CPQ: variants seen among roughly 807,000 people sequenced by gnomAD.
CPQ encodes carboxypeptidase Q.
Under a neutral mutation model 45.7 loss-of-function variants are expected in CPQ, and 37 were observed. That is an observed-to-expected ratio of 0.81 (90% CI 0.62 to 1.07). The LOEUF (loss-of-function observed/expected upper bound fraction) is 1.07, where lower values mean the gene tolerates loss of function less well. CPQ is among the 50% of genes least tolerant of loss of function. CPQ has a pLI of 0.00. For synonymous variants in CPQ, 186 were observed against 205.8 expected, an observed-to-expected ratio of 0.90 and a Z score of 0.82; for missense variants, 537 against 572.9, an observed-to-expected ratio of 0.94 and a Z score of 0.64.
At chr8:96,784,179 GTTATTA>G (rs919409400) in intron 1 of CPQ, among the ~76,000 whole-genome samples, 2 of 152,000 alleles carry the variant, frequency 1.3e-5, no homozygotes, top group Non-Finnish European at 2.9e-5. Flanking sequence ...TCCTGTTATT[GTTATTA>G]TTATTTATTA....
At chr8:96,970,720 C>A (rs531254609) in intron 5 of CPQ, among the ~76,000 whole-genome samples, 1 of 152,102 alleles carries the variant, frequency 6.6e-6, no homozygotes, top group South Asian at 2.1e-4. Flanking sequence ...CCCGCTACCA[C>A]GCCCGGCTAA....
chr8:96,734,224 C>T (rs1809948750), intron 1 of CPQ, among the ~76,000 whole-genome samples: 2 of 152,190 alleles, frequency 1.3e-5, no homozygotes. Context: ...AGTTCCACCT[C>T]CAGAGTACAT....
chr8:96,871,531 G>GTT (rs529360931), intron 3 of CPQ, among the ~76,000 whole-genome samples: 147 of 106,982 alleles, frequency 1.4e-3, no homozygotes, highest in African/African-American at 3.3e-3. Context: ...TTGCTTCCAG[G>GTT]TTTTTTTTTT....
chr8:96,796,886 T>C (rs1485424100), intron 2 of CPQ, among the ~76,000 whole-genome samples: 6 of 152,202 alleles, frequency 3.9e-5, no homozygotes, highest in African/African-American at 7.2e-5. Flanking sequence ...GTTGACTGGA[T>C]AGTTAATGTT....
intron 4 of CPQ, among the ~76,000 whole-genome samples, chr8:96,918,007 G>C (rs1022668881): frequency 6.6e-6 from 1 of 152,094 alleles, no homozygotes; most frequent in African/African-American, 2.4e-5. Flanking sequence ...TACTCTTAGT[G>C]TACCTTATTC....
intron 1 of CPQ, among the ~76,000 whole-genome samples, chr8:96,648,105 A>G (rs563729473): frequency 1.8e-4 from 27 of 152,334 alleles, no homozygotes; most frequent in Admixed American, 1.8e-3. Flanking sequence ...CAAAAGACGA[A>G]AAGAGAGGCC....
At chr8:96,940,997 A>G (rs1813117796) in intron 4 of CPQ, among the ~76,000 whole-genome samples, 1 of 152,088 alleles carries the variant, frequency 6.6e-6, no homozygotes, top group African/African-American at 2.4e-5. Flanking sequence ...ATGCTTTTTC[A>G]CCCTCCCATA....
At chr8:96,859,537 G>C (rs577222135) in intron 3 of CPQ, among the ~76,000 whole-genome samples, 5 of 152,286 alleles carry the variant, frequency 3.3e-5, no homozygotes, top group South Asian at 2.1e-4. Context: ...AAGTGTCCCT[G>C]AAGTTGGCTG....
At chr8:96,720,270 C>CT (rs201158304) in intron 1 of CPQ, among the ~76,000 whole-genome samples, 3 of 151,060 alleles carry the variant, frequency 2.0e-5, no homozygotes, top group South Asian at 2.1e-4. Context: ...CTATTGATTA[C>CT]TTTTTTAAAA....
At chr8:96,992,066 T>C (rs1167442344) in intron 5 of CPQ, among the ~76,000 whole-genome samples, 1 of 152,220 alleles carries the variant, frequency 6.6e-6, no homozygotes, top group African/African-American at 2.4e-5. Flanking sequence ...TTGATGGGTG[T>C]GTGGCAGCAA....
At chr8:96,922,268 A>C (rs537554235) in intron 4 of CPQ, among the ~76,000 whole-genome samples, 4 of 152,226 alleles carry the variant, frequency 2.6e-5, no homozygotes, top group Admixed American at 2.6e-4. Flanking sequence ...ATTCCTCCCA[A>C]CCATGCTCAA....
intron 5 of CPQ, among the ~76,000 whole-genome samples, chr8:96,971,225 A>T (rs1317380434): frequency 6.6e-6 from 1 of 152,164 alleles, no homozygotes; most frequent in African/African-American, 2.4e-5. Context: ...GGAGCCTGAG[A>T]TTGCCAGAAT....
At chr8:97,089,939 G>C (rs1268865018) in intron 7 of CPQ, among the ~76,000 whole-genome samples, 1 of 152,126 alleles carries the variant, frequency 6.6e-6, no homozygotes, top group Non-Finnish European at 1.5e-5. Context: ...AAGTTCCCCT[G>C]CGGGCTAAGA....
chr8:96,688,522 G>T (rs769464846), intron 1 of CPQ, among the ~76,000 whole-genome samples: 1 of 151,506 alleles, frequency 6.6e-6, no homozygotes, highest in Non-Finnish European at 1.5e-5. Flanking sequence ...TGGGGCGTGT[G>T]TGTATTTTCT....
chr8:97,097,692 C>T (rs182570134), intron 7 of CPQ, among the ~76,000 whole-genome samples: 14 of 152,248 alleles, frequency 9.2e-5, no homozygotes, highest in South Asian at 8.3e-4. Flanking sequence ...GAATATTGTG[C>T]GCCATGCAGG....
At chr8:96,925,760 G>A (rs1192460093) in intron 4 of CPQ, among the ~76,000 whole-genome samples, 1 of 150,476 alleles carries the variant, frequency 6.6e-6, no homozygotes, top group Non-Finnish European at 1.5e-5. Flanking sequence ...CGCGATCTCA[G>A]CTCACTGCAA....
At chr8:96,916,771 T>C (rs1366743995) in intron 4 of CPQ, among the ~76,000 whole-genome samples, 1 of 152,136 alleles carries the variant, frequency 6.6e-6, no homozygotes, top group Non-Finnish European at 1.5e-5. Flanking sequence ...TGATAGTTTC[T>C]TAGAATTTTC....
At chr8:97,068,430 G>A (rs144354980) in intron 7 of CPQ, among the ~76,000 whole-genome samples, 112 of 152,142 alleles carry the variant, frequency 7.4e-4, no homozygotes, top group African/African-American at 2.6e-3. Context: ...TCAGGGGTTC[G>A]AGACCAGCCT....
In CPQ at chr8:97,107,732, A is replaced by G. The variant is rs1274284775; in HGVS notation, c.1256-35288A>G. Among the ~76,000 whole-genome samples, 3 of 152,268 alleles carry G rather than the reference A, an allele frequency of 2.0e-5. No individual in the cohort carries two copies. In the East Asian group the frequency reaches 5.8e-4, roughly 29 times the overall value. On this transcript the variant is annotated intron_variant, in intron 7 of 7. Transcript: ENST00000220763. ...GGCCAGAATACAGACCTTAAGGCAC[A>G]GAGCCAAGGGCAGCTCTCTGAGGTG...
Sources: allele counts gnomAD v4.1 joint callset (sites outside exome capture counted in the v4.1 genomes callset), GRCh38; gene constraint gnomAD v4.1.1; transcripts MANE v1.5; gene names NCBI Gene and HGNC (gene_info 2026-07-23, HGNC 2026-07-21).